The following ZFP64 variants were observed in gnomAD, a reference collection of about 807,000 sequenced individuals.
ZFP64 encodes the protein zinc finger protein 64.
ZFP64 carries 14 observed loss-of-function variants against 51.6 expected under a neutral mutation model. The ratio of observed to expected loss-of-function variants is 0.27; its 90% CI spans 0.18 to 0.42. ZFP64 has a LOEUF of 0.42. Among genes scored for constraint, ZFP64 ranks in the 10% least tolerant of loss-of-function variants. The pLI is 1.00. For missense variants in ZFP64, 754 were observed against 906.8 expected (o/e 0.83, Z 2.16); for synonymous variants, 375 against 361.4 (o/e 1.04, Z -0.43).
chr20:52,127,714 A>C (rs780487509), intron 5 of ZFP64, among the ~76,000 whole-genome samples: 3 of 152,218 alleles, frequency 2.0e-5, no homozygotes, highest in Non-Finnish European at 4.4e-5. Flanking sequence ...ACAAGAAGAC[A>C]GGATGGGAAG....
chr20:52,105,465 C>T, intron 5 of ZFP64: 4 of 826,740 alleles, frequency 4.8e-6, no homozygotes, highest in Non-Finnish European at 4.8e-6. Flanking sequence ...GCCCGCGCCA[C>T]CTGGGAGCTC....
At chr20:52,164,641 C>T in intron 4 of ZFP64, 54 bp downstream of exon 4, 5 of 1,471,652 alleles carry the variant, frequency 3.4e-6, no homozygotes, top group Non-Finnish European at 4.7e-6. Flanking sequence ...GGATCCCCAT[C>T]TCCTAGCACA....
intron 8 of ZFP64, among the ~76,000 whole-genome samples, chr20:52,086,679 C>CG (rs993197475): frequency 2.0e-5 from 3 of 152,030 alleles, no homozygotes; most frequent in African/African-American, 4.8e-5. Context: ...GGGGTTTCAC[C>CG]GTGTTAGCCA....
chr20:52,166,825 A>T (rs1279722312), intron 2 of ZFP64, among the ~76,000 whole-genome samples: 1 of 152,184 alleles, frequency 6.6e-6, no homozygotes, highest in African/African-American at 2.4e-5. Context: ...AACTGCAGCC[A>T]AATGCATTAA....
chr20:52,107,520 C>T (rs1978337071), intron 5 of ZFP64, among the ~76,000 whole-genome samples: 1 of 152,060 alleles, frequency 6.6e-6, no homozygotes. Context: ...CAGCCTGACT[C>T]CTACAGATCT....
At position 52,109,150 on chromosome 20, in the gene ZFP64, A is replaced by C. The variant is rs527302681; in HGVS notation, c.764-10563T>G. On this transcript the variant is annotated intron_variant, in intron 5 of 8. Transcript: ENST00000361387. ...AGCCCAGGGAAGCTCTTTTTTTTAG[A>C]AGATTTTTTTTTTTCTTTGAGACGG... Among the ~76,000 whole-genome samples, 9 of 151,614 alleles carry C rather than the reference A, an allele frequency of 5.9e-5. No individual in the cohort carries two copies. In the East Asian group the frequency reaches 1.8e-3, roughly 30 times the overall value.
At chr20:52,103,314 C>G in intron 5 of ZFP64, among the ~76,000 whole-genome samples, 1 of 152,192 alleles carries the variant, frequency 6.6e-6, no homozygotes. Context: ...ACTTGAGTTG[C>G]AAAGACACTT....
chr20:52,178,813 C>T (rs975658631), intron 2 of ZFP64, among the ~76,000 whole-genome samples: 1 of 152,146 alleles, frequency 6.6e-6, no homozygotes, highest in Non-Finnish European at 1.5e-5. Flanking sequence ...CCAGTTGGAA[C>T]CAACAGTCTC....
At chr20:52,136,111 A>AAG (rs1555804038) in intron 5 of ZFP64, among the ~76,000 whole-genome samples, 1 of 150,328 alleles carries the variant, frequency 6.7e-6, no homozygotes, top group African/African-American at 2.4e-5. Context: ...AAAAAAAAAA[A>AAG]AAAAAAAAAG....
intron 5 of ZFP64, among the ~76,000 whole-genome samples, chr20:52,131,683 A>G (rs910860629): frequency 6.6e-6 from 1 of 152,232 alleles, no homozygotes; most frequent in African/African-American, 2.4e-5. Flanking sequence ...AGTTTTAAAT[A>G]TATATGCATC....
chr20:52,172,136 C>T (rs1239547058), intron 2 of ZFP64, among the ~76,000 whole-genome samples: 1 of 151,866 alleles, frequency 6.6e-6, no homozygotes, highest in East Asian at 1.9e-4. Flanking sequence ...CTTGGACCAA[C>T]CTGGGTGTGT....
intron 2 of ZFP64, 33 bp downstream of exon 2, chr20:52,186,799 A>G: frequency 2.5e-6 from 4 of 1,580,964 alleles, no homozygotes; most frequent in Non-Finnish European, 3.5e-6. Flanking sequence ...AGCCAGGCCA[A>G]TTCTGGCCGA....
intron 5 of ZFP64, among the ~76,000 whole-genome samples, chr20:52,129,108 G>A (rs1158808469): frequency 6.8e-6 from 1 of 146,176 alleles, no homozygotes; most frequent in Non-Finnish European, 1.5e-5. Context: ...TTGAGATGGA[G>A]TCTCGCTCTG....
chr20:52,144,597 A>AAAAAAAAAAAAAAAAAAAAG (rs1980429601), intron 5 of ZFP64, among the ~76,000 whole-genome samples: 1 of 148,568 alleles, frequency 6.7e-6, no homozygotes, highest in Non-Finnish European at 1.5e-5. Context: ...AAAAAAAAAA[A>AAAAAAAAAAAAAAAAAAAAG]AAAAATGCTG....
At chr20:52,144,481 G>T in intron 5 of ZFP64, among the ~76,000 whole-genome samples, 1 of 148,642 alleles carries the variant, frequency 6.7e-6, no homozygotes. Context: ...TCGGGAGGCT[G>T]AGGCAGGAGA....
At chr20:52,134,511 A>C (rs928957839) in intron 5 of ZFP64, among the ~76,000 whole-genome samples, 1 of 152,220 alleles carries the variant, frequency 6.6e-6, no homozygotes, top group Non-Finnish European at 1.5e-5. Flanking sequence ...TGGGGGACTG[A>C]CAACTTTTCA....
At chr20:52,179,647 C>T (rs931032224) in intron 2 of ZFP64, among the ~76,000 whole-genome samples, 9 of 152,318 alleles carry the variant, frequency 5.9e-5, no homozygotes, top group African/African-American at 1.7e-4. Flanking sequence ...ATCAATCAGG[C>T]GGGCAGGGCC....
chr20:52,099,596 G>T (rs921022977), intron 5 of ZFP64, among the ~76,000 whole-genome samples: 5 of 152,204 alleles, frequency 3.3e-5, no homozygotes, highest in African/African-American at 7.2e-5. Context: ...TGCTACAGGG[G>T]TTTTATACTT....
chr20:52,121,921 C>T (rs1275066011), intron 5 of ZFP64, among the ~76,000 whole-genome samples: 1 of 152,138 alleles, frequency 6.6e-6, no homozygotes, highest in African/African-American at 2.4e-5. Flanking sequence ...AATCCTAAGG[C>T]CCTTAAGAAT....
Sources: gnomAD v4.1 joint callset for allele counts (sites outside exome capture counted in the v4.1 genomes callset) on GRCh38, gnomAD v4.1.1 for gene constraint, MANE v1.5 for transcripts, NCBI Gene and HGNC (gene_info 2026-07-23, HGNC 2026-07-21) for gene names.